Variants in GPBP1 observed in about 807,000 individuals in gnomAD.
GPBP1 encodes the protein vasculin.
In GPBP1, 13 loss-of-function variants were observed where a neutral mutation model predicts 56.5. The ratio of observed to expected loss-of-function variants is 0.23; its 90% confidence interval spans 0.15 to 0.37. GPBP1 has a LOEUF of 0.37. GPBP1 is among the 10% of genes least tolerant of loss of function. GPBP1 has a pLI of 1.00. For missense variants in GPBP1, 477 were observed against 572.3 expected, an observed-to-expected ratio of 0.83 and a Z score of 1.70; for synonymous variants, 204 against 188.9, an observed-to-expected ratio of 1.08 and a Z score of -0.66.
chr5:57,233,266 G>A (rs529077145), intron 5 of GPBP1, among the ~76,000 whole-genome samples: 4 of 152,304 alleles, frequency 2.6e-5, no homozygotes, highest in African/African-American at 7.2e-5. Context: ...TTTAGGGCGA[G>A]GAGTGGTGAG....
In GPBP1 at chr5:57,264,021, A is replaced by G. The variant is rs1742011763; in HGVS notation, c.*1269A>G. On this transcript the variant is annotated 3_prime_UTR_variant, in exon 12 of 12. Coordinates refer to ENST00000506184, the MANE Select transcript of GPBP1 (RefSeq NM_022913.4). ...TAATCTTAAGTGTTTGTTGTTTTTT[A>G]AAAAGTGTTTTCTCAGATGGCTGCA... 6.6e-6 allele frequency: 1 copy of G among 152,118 alleles called. No individual in the cohort carries two copies. Among genetic ancestry groups the G allele is most frequent in the Non-Finnish European group, 1.5e-5 (1 of 67,998 alleles). 9.4% of individuals were successfully genotyped at this position (152,118 alleles called of 1,614,324 possible). A position where few individuals can be genotyped will look rare whatever the true frequency, so the allele number is the denominator to read the frequency against.
intron 3 of GPBP1, among the ~76,000 whole-genome samples, chr5:57,229,941 G>GCGTCCTGTCCCGTCCCGTCC (rs1554070400): frequency 6.8e-6 from 1 of 146,078 alleles, no homozygotes; most frequent in Non-Finnish European, 1.5e-5. Flanking sequence ...GCATCGCATC[G>GCGTCCTGTCCCGTCCCGTCC]CGTCCCGTCC....
chr5:57,259,779 G>A (rs1741810990), intron 10 of GPBP1, among the ~76,000 whole-genome samples: 1 of 151,938 alleles, frequency 6.6e-6, no homozygotes, highest in South Asian at 2.1e-4. Context: ...GCTTTCCCAG[G>A]CATTTTTCTG....
At chr5:57,257,260 T>G (rs990227170) in intron 10 of GPBP1, among the ~76,000 whole-genome samples, 5 of 152,218 alleles carry the variant, frequency 3.3e-5, no homozygotes, top group African/African-American at 4.8e-5. Flanking sequence ...GGTCTCGAAC[T>G]CCTGACCTCA....
chr5:57,196,627 T>A lies in GPBP1; in HGVS notation c.-57-17447T>A, dbSNP rs914516549. ...TTTTTGGAGACAAGGTCTCGCTCTG[T>A]CTTCCAGGCTGGAGTGATAAAGTGG... On this transcript the variant is annotated intron_variant, in intron 2 of 11. Transcript: ENST00000506184. Among the ~76,000 whole-genome samples the A allele has an allele frequency of 9.8e-5, 15 of 152,288 alleles. No homozygotes were observed. In the Middle Eastern group the frequency reaches 0.01, roughly 104 times the overall value.
intron 2 of GPBP1, among the ~76,000 whole-genome samples, chr5:57,211,755 G>A (rs895888983): frequency 3.3e-5 from 5 of 151,440 alleles, no homozygotes; most frequent in African/African-American, 1.2e-4. Context: ...GGCTAATTTT[G>A]TATTTTTAGT....
intron 2 of GPBP1, among the ~76,000 whole-genome samples, chr5:57,186,857 C>T (rs547144427): frequency 1.3e-5 from 2 of 152,076 alleles, no homozygotes; most frequent in Non-Finnish European, 2.9e-5. Flanking sequence ...AGGCGAGAGC[C>T]GCTGTGACCA....
At chr5:57,217,540 C>T (rs1755750095) in intron 3 of GPBP1, among the ~76,000 whole-genome samples, 1 of 151,302 alleles carries the variant, frequency 6.6e-6, no homozygotes, top group African/African-American at 2.4e-5. Flanking sequence ...CATTGCACTC[C>T]AGCCTGGGCA....
intron 10 of GPBP1, among the ~76,000 whole-genome samples, chr5:57,256,232 A>G (rs1364170060): frequency 6.6e-6 from 1 of 152,064 alleles, no homozygotes; most frequent in African/African-American, 2.4e-5. Context: ...TCTAGCCTGG[A>G]CGGCAGAGCA....
intron 3 of GPBP1, among the ~76,000 whole-genome samples, chr5:57,228,158 T>C (rs1756278054): frequency 6.6e-6 from 1 of 152,116 alleles, no homozygotes; most frequent in Non-Finnish European, 1.5e-5. Flanking sequence ...ATATAGTCTT[T>C]TTAGAATATC....
In GPBP1 at chr5:57,174,121, A is replaced by C. The variant is rs1167748641; in HGVS notation, c.-1101A>C. On this transcript the variant is annotated 5_prime_UTR_variant, in exon 1 of 12. Transcript: ENST00000506184. Reference sequence around the variant, plus strand: ...TGGTTGTGGGGGAGGGAAAAGCGGCAAAAGGGGATTATTCAAAGTACCGAA... The same window carrying C: ...TGGTTGTGGGGGAGGGAAAAGCGGCCAAAGGGGATTATTCAAAGTACCGAA... 6.5e-6 allele frequency: 1 copy of C among 153,102 alleles called. No homozygotes were observed. The highest frequency in any genetic ancestry group is 2.4e-5 in the African/African-American group (1 of 41,416). 9.5% of individuals were successfully genotyped at this position (153,102 alleles called of 1,614,324 possible).
chr5:57,229,941 G>GCATCC, intron 3 of GPBP1, among the ~76,000 whole-genome samples: 1 of 146,184 alleles, frequency 6.8e-6, no homozygotes, highest in East Asian at 2.1e-4. Flanking sequence ...GCATCGCATC[G>GCATCC]CGTCCCGTCC....
chr5:57,181,480 AAG>A (rs1459295103), intron 2 of GPBP1, among the ~76,000 whole-genome samples: 1 of 152,012 alleles, frequency 6.6e-6, no homozygotes, highest in African/African-American at 2.4e-5. Context: ...CTATTTAAAA[AAG>A]GGGTGAGGGG....
At chr5:57,225,500 A>AC (rs1428129547) in intron 3 of GPBP1, among the ~76,000 whole-genome samples, 22 of 132,634 alleles carry the variant, frequency 1.7e-4, no homozygotes, top group African/African-American at 5.6e-4. Flanking sequence ...TCAAAAAAAA[A>AC]AAAAAAAAAA....
chr5:57,200,049 T>TCC (rs1491547005), intron 2 of GPBP1, among the ~76,000 whole-genome samples: 2 of 95,798 alleles, frequency 2.1e-5, no homozygotes, highest in Non-Finnish European at 4.1e-5. Flanking sequence ...TTTTTTTTTT[T>TCC]CTGAAACAAG....
chr5:57,255,004 T>A (rs563858491), intron 10 of GPBP1, among the ~76,000 whole-genome samples: 108 of 152,138 alleles, frequency 7.1e-4, no homozygotes, highest in African/African-American at 2.5e-3. Context: ...ACAGAAAAAA[T>A]TTAGCAAACA....
chr5:57,240,411 A>G (rs1027439518), intron 6 of GPBP1, among the ~76,000 whole-genome samples: 7 of 152,212 alleles, frequency 4.6e-5, no homozygotes, highest in Non-Finnish European at 8.8e-5. Flanking sequence ...GTCACTTGGT[A>G]TAGTGCACAC....
At chr5:57,227,891 A>G (rs1288465909) in intron 3 of GPBP1, among the ~76,000 whole-genome samples, 1 of 152,206 alleles carries the variant, frequency 6.6e-6, no homozygotes, top group African/African-American at 2.4e-5. Context: ...AAGAAATAAC[A>G]GGTAACAGGA....
chr5:57,177,979 C>T (rs916310796), intron 2 of GPBP1, among the ~76,000 whole-genome samples: 2 of 151,762 alleles, frequency 1.3e-5, no homozygotes, highest in Non-Finnish European at 2.9e-5. Flanking sequence ...TTAGAGAGTT[C>T]AGTGTTTCCC....
Sources: gnomAD v4.1 joint callset for allele counts (sites outside exome capture counted in the v4.1 genomes callset) on GRCh38, gnomAD v4.1.1 for gene constraint, MANE v1.5 for transcripts, NCBI Gene and HGNC (gene_info 2026-07-23, HGNC 2026-07-21) for gene names.